Variants in KCNJ6 observed in about 807,000 individuals in gnomAD.
KCNJ6 encodes potassium inwardly rectifying channel subfamily J member 6.
A neutral mutation model predicts 34.2 loss-of-function variants in KCNJ6; 9 were observed. The observed-to-expected ratio is 0.26, with a 90% CI of 0.16 to 0.46. The LOEUF is 0.46. Ranked by LOEUF, KCNJ6 falls within the 20% of genes least tolerant of loss-of-function variation. The pLI is 1.00. For missense variants in KCNJ6, 236 were observed against 531.3 expected (o/e 0.44, Z 5.46); for synonymous variants, 196 against 207.1 (o/e 0.95, Z 0.46).
At chr21:37,739,003 G>A (rs1007956566) in intron 2 of KCNJ6, among the ~76,000 whole-genome samples, 1 of 152,184 alleles carries the variant, frequency 6.6e-6, no homozygotes, top group Admixed American at 6.5e-5. Flanking sequence ...AAGAGAGAAA[G>A]CTGCTTGTCT....
At chr21:37,643,528 G>T (rs2054390626) in intron 3 of KCNJ6, among the ~76,000 whole-genome samples, 1 of 152,218 alleles carries the variant, frequency 6.6e-6, no homozygotes, top group Non-Finnish European at 1.5e-5. Context: ...GGCAAGGGGT[G>T]GGTAGCTGGA....
Position 37,682,517 on chromosome 21 carries a change from C to G in KCNJ6, c.946+31694G>C, listed in dbSNP as rs1476328571. ...TTCCTTTGCTGGTGGCTGCATCACT[C>G]CAGTCTCTGCCTCCATCTTCACGTG... On this transcript the variant is annotated intron_variant, in intron 3 of 3. Coordinates refer to ENST00000609713, the MANE Select transcript of KCNJ6 (RefSeq NM_002240.5). Among the ~76,000 whole-genome samples, 2 of 144,984 alleles carry G rather than the reference C, an allele frequency of 1.4e-5. 1 individual carries two copies. The highest frequency in any genetic ancestry group is 4.7e-4 in the South Asian group (2 of 4,282).
At chr21:37,723,934 T>TA (rs571972529) in intron 2 of KCNJ6, among the ~76,000 whole-genome samples, 1,744 of 132,568 alleles carry the variant, frequency 0.013, 31 homozygotes, top group African/African-American at 0.04. Context: ...AGAAAACAAA[T>TA]AAAAAAAAAA....
intron 2 of KCNJ6, 114 bp from the exon 3 acceptor site, chr21:37,715,245 T>C: frequency 2.2e-6 from 2 of 917,732 alleles, no homozygotes; most frequent in South Asian, 1.8e-5. Context: ...TGTGTAGCTA[T>C]AAACAAAGTA....
intron 2 of KCNJ6, among the ~76,000 whole-genome samples, chr21:37,738,014 G>A (rs1365598027): frequency 6.6e-6 from 1 of 152,148 alleles, no homozygotes; most frequent in East Asian, 1.9e-4. Context: ...GTGGAATGAT[G>A]GGTTTCAGGA....
At chr21:37,661,708 C>T (rs1049971919) in intron 3 of KCNJ6, among the ~76,000 whole-genome samples, 17 of 144,824 alleles carry the variant, frequency 1.2e-4, no homozygotes, top group African/African-American at 4.1e-4. Flanking sequence ...CTGCAAGCTC[C>T]GCCTCCCAGG....
chr21:37,640,380 G>T (rs1385521246), intron 3 of KCNJ6, among the ~76,000 whole-genome samples: 2 of 152,192 alleles, frequency 1.3e-5, no homozygotes, highest in Non-Finnish European at 2.9e-5. Flanking sequence ...GGAAAACAAT[G>T]ACCAGATTAT....
intron 3 of KCNJ6, among the ~76,000 whole-genome samples, chr21:37,628,701 G>A (rs1169561888): frequency 1.3e-5 from 2 of 152,132 alleles, no homozygotes; most frequent in Non-Finnish European, 2.9e-5. Context: ...CAAACCACAA[G>A]TAAGGTGAAC....
intron 2 of KCNJ6, among the ~76,000 whole-genome samples, chr21:37,755,651 CCT>C (rs1443938457): frequency 6.6e-6 from 1 of 152,200 alleles, no homozygotes; most frequent in Admixed American, 6.5e-5. Flanking sequence ...GAAAAGGTGT[CCT>C]CTCTCTGTGT....
chr21:37,617,220 CTTTTCTTT>C lies in KCNJ6; in HGVS notation c.*7931_*7938del, dbSNP rs1437887628. 1.1e-3 allele frequency: 131 copies of C among 118,630 alleles called. No individual in the cohort carries two copies. Among genetic ancestry groups the C allele is most frequent in the African/African-American group, 3.9e-3 (120 of 30,606 alleles). 7.3% of individuals were successfully genotyped at this position (118,630 alleles called of 1,614,324 possible). ...TCCTTCCTTCCTTCCTTCCTTCCTT[CTTTTCTTT>C]CTTTTTTTGAGACTGAGTCTCGCTC... On this transcript the variant is annotated 3_prime_UTR_variant, in exon 4 of 4. Coordinates refer to ENST00000609713, the MANE Select transcript of KCNJ6 (RefSeq NM_002240.5).
At chr21:37,859,587 CCA>C (rs895090866) in intron 1 of KCNJ6, among the ~76,000 whole-genome samples, 4 of 140,940 alleles carry the variant, frequency 2.8e-5, no homozygotes, top group Admixed American at 2.8e-4. Flanking sequence ...TTGAGCAGCC[CCA>C]GTTTTTCATT....
intron 3 of KCNJ6, among the ~76,000 whole-genome samples, chr21:37,672,893 C>G (rs1000149677): frequency 6.6e-6 from 1 of 152,160 alleles, no homozygotes; most frequent in African/African-American, 2.4e-5. Context: ...GTCCTCCTGT[C>G]TCAGCCTCCC....
At chr21:37,696,811 G>A (rs2054665562) in intron 3 of KCNJ6, among the ~76,000 whole-genome samples, 1 of 152,150 alleles carries the variant, frequency 6.6e-6, no homozygotes, top group South Asian at 2.1e-4. Context: ...AAACTCACAT[G>A]TATACATGCA....
intron 2 of KCNJ6, among the ~76,000 whole-genome samples, chr21:37,736,642 A>C (rs1037738611): frequency 6.6e-6 from 1 of 152,170 alleles, no homozygotes; most frequent in Non-Finnish European, 1.5e-5. Flanking sequence ...TGGCATGTCC[A>C]TCCAGGGCCA....
intron 1 of KCNJ6, among the ~76,000 whole-genome samples, chr21:37,868,795 G>A (rs1391310921): frequency 6.6e-6 from 1 of 152,198 alleles, no homozygotes; most frequent in Non-Finnish European, 1.5e-5. Context: ...CAGGGCTGGG[G>A]TTGGGTGGAG....
chr21:37,712,324 G>A (rs1409831310), intron 3 of KCNJ6, among the ~76,000 whole-genome samples: 1 of 152,134 alleles, frequency 6.6e-6, no homozygotes, highest in African/African-American at 2.4e-5. Flanking sequence ...TAGTGTCAGA[G>A]GCTGTAGCTC....
At chr21:37,822,100 T>C (rs574174033) in intron 2 of KCNJ6, among the ~76,000 whole-genome samples, 3 of 152,342 alleles carry the variant, frequency 2.0e-5, no homozygotes, top group East Asian at 3.9e-4. Flanking sequence ...AACTGCAACC[T>C]GAAGCTACTA....
intron 1 of KCNJ6, among the ~76,000 whole-genome samples, chr21:37,904,543 T>C (rs534580570): frequency 1.9e-4 from 29 of 152,206 alleles, no homozygotes; most frequent in Non-Finnish European, 3.7e-4. Context: ...ATCACTATAC[T>C]GAAGTAGTGG....
chr21:37,657,303 A>G (rs1023995059), intron 3 of KCNJ6, among the ~76,000 whole-genome samples: 2 of 152,194 alleles, frequency 1.3e-5, no homozygotes, highest in East Asian at 3.9e-4. Flanking sequence ...CACGTCACCA[A>G]TGACCCTCAC....
Sources: allele counts gnomAD v4.1 joint callset (sites outside exome capture counted in the v4.1 genomes callset), GRCh38; gene constraint gnomAD v4.1.1; transcripts MANE v1.5; gene names NCBI Gene and HGNC (gene_info 2026-07-23, HGNC 2026-07-21).